The following MYH9 variants were observed in gnomAD, a reference collection of about 807,000 sequenced individuals.
MYH9 encodes the protein myosin heavy chain 9.
MYH9 carries 29 observed loss-of-function variants against 241.9 expected under a neutral mutation model. The ratio of observed to expected loss-of-function variants is 0.12; its 90% confidence interval spans 0.09 to 0.16. The LOEUF is 0.16. Ranked by LOEUF, MYH9 falls within the 10% of genes least tolerant of loss-of-function variation. The probability of loss-of-function intolerance (pLI) is 1.00; values close to 1 mark genes in which losing one functional copy is unlikely to be tolerated. For synonymous variants in MYH9, 1,047 were observed against 1,062.6 expected (o/e 0.99, Z 0.29); for missense variants, 1,803 against 2,595.5 (o/e 0.69, Z 6.63).
At chr22:36,351,802 T>C (rs932280099) in intron 1 of MYH9, among the ~76,000 whole-genome samples, 2 of 151,880 alleles carry the variant, frequency 1.3e-5, no homozygotes, top group African/African-American at 2.4e-5. Context: ...TTGAACCCCA[T>C]GCCCCCAAAC....
chr22:36,286,226 GA>G (rs2016578116), intron 35 of MYH9, among the ~76,000 whole-genome samples: 1 of 152,224 alleles, frequency 6.6e-6, no homozygotes, highest in South Asian at 2.1e-4. Context: ...CCTAACCAGG[GA>G]GACCACGTGG....
Position 36,288,695 on chromosome 22 carries a change from G to A in MYH9, c.4770+32C>T, listed in dbSNP as rs2016631909. 1.3e-6 allele frequency: 2 copies of A among 1,599,148 alleles called. No homozygotes were observed. Among genetic ancestry groups the A allele is most frequent in the South Asian group, 1.1e-5 (1 of 91,048 alleles). ...CTGCGTGAAGCCAAGGCAGCCTTGG[G>A]CACCCATGGGGTAGCAGGAGGCCAT... On this transcript the variant is annotated intron_variant, in intron 33 of 40. Transcript: ENST00000216181. This position sits in a 1 kb window ranked among gnomAD's most constrained non-coding sequence, Gnocchi z 4.8.
intron 1 of MYH9, among the ~76,000 whole-genome samples, chr22:36,380,280 G>T (rs926983501): frequency 6.6e-6 from 1 of 152,204 alleles, no homozygotes; most frequent in Non-Finnish European, 1.5e-5. Flanking sequence ...CTTGAGAAGG[G>T]GGGTAGGGCC....
At position 36,295,267 on chromosome 22, in the gene MYH9, C is replaced by A. The variant is rs1440609795; in HGVS notation, c.3486-191G>T. On this transcript the variant is annotated intron_variant, in intron 26 of 40. Coordinates refer to ENST00000216181, the MANE Select transcript of MYH9 (RefSeq NM_002473.6). This position sits in a 1 kb window ranked among gnomAD's most constrained non-coding sequence, Gnocchi z 4.1. ...ATACGCCCTGTGAGAGCTTCTGTAG[C>A]CTTTCAGCTTTAAAGCCCAGCCTTG... 6.6e-6 allele frequency among the ~76,000 whole-genome samples: 1 copy of A among 152,198 alleles called. No individual in the cohort carries two copies. The highest frequency in any genetic ancestry group is 2.4e-5 in the African/African-American group (1 of 41,448).
At position 36,296,934 on chromosome 22, in the gene MYH9, T is replaced by A. The variant is rs199971000; in HGVS notation, c.3181A>T (p.Ser1061Cys). The change falls in exon 25 of 41, where the codon AGC becomes TGC. Residue 1061 changes from serine (S) to cysteine (C), a missense_variant. Physicochemically the swap from Ser to Cys is moderately radical, Grantham distance 112 (BLOSUM62 -1). Around this residue, in one of 11 missense-constraint regions of MYH9, gnomAD observed 290 missense variants for 360.5 expected, o/e 0.80. Transcript: ENST00000216181. ...GCCTGGAGCTCGGCGATCTGGTCGC[T>A]GAGGTCTGTGGAGTCTCCCTCCAGC... ...RKLEGDSTDL[S>C]DQIAELQAQI... is the part of the protein sequence containing the mutation. 117 of 1,614,084 alleles carry A rather than the reference T, an allele frequency of 7.2e-5. No homozygotes were observed. Among genetic ancestry groups the A allele is most frequent in the Non-Finnish European group, 9.4e-5 (111 of 1,179,970 alleles).
intron 12 of MYH9, among the ~76,000 whole-genome samples, chr22:36,314,757 T>A (rs1474830787): frequency 6.6e-6 from 1 of 152,098 alleles, no homozygotes; most frequent in Non-Finnish European, 1.5e-5. Context: ...CAAGTGATCC[T>A]CCCAGCTTAG....
In MYH9 at chr22:36,293,687, A is replaced by C; in HGVS notation, c.3942+72T>G. 1 of 1,429,072 alleles carries C rather than the reference A, an allele frequency of 7.0e-7. No homozygotes were observed. The highest frequency in any genetic ancestry group is 1.2e-5 in the South Asian group (1 of 86,040). 88.5% of individuals were successfully genotyped at this position (1,429,072 alleles called of 1,614,324 possible). Reference sequence around the variant, plus strand: ...AGGATGGGCAATCCGATGGGCTCTGAAGCTAATGTTGCGTGGACACAGAGG... The same window carrying C: ...AGGATGGGCAATCCGATGGGCTCTGCAGCTAATGTTGCGTGGACACAGAGG... On this transcript the variant is annotated intron_variant, in intron 29 of 40. Transcript: ENST00000216181. This position sits in a 1 kb window ranked among gnomAD's most constrained non-coding sequence, Gnocchi z 5.1.
At chr22:36,341,881 G>C (rs1055047050) in intron 2 of MYH9, among the ~76,000 whole-genome samples, 1 of 152,252 alleles carries the variant, frequency 6.6e-6, no homozygotes. Flanking sequence ...AGATGTCTTT[G>C]TCATCGTGAG....
In MYH9 at chr22:36,320,199, A is replaced by C. The variant is rs778702341; in HGVS notation, c.1012+21T>G. On this transcript the variant is annotated intron_variant, in intron 9 of 40. Transcript: ENST00000216181. The surrounding 1 kb of genome is among the most constrained non-coding windows in gnomAD (Gnocchi z 4.8). ...GCCTTCCTCTGCCCCACACTCGACC[A>C]TAGGAGGGCCAGCCCTGTACCCATT... 6 of 1,613,882 alleles carry C rather than the reference A, an allele frequency of 3.7e-6. No homozygotes were observed. The highest frequency in any genetic ancestry group is 5.1e-6 in the Non-Finnish European group (6 of 1,179,962).
rs73405727 is a variant in MYH9 at position 36,294,441 on chromosome 22, C to A, written c.3631-143G>T. 5 of 839,428 alleles carry A rather than the reference C, an allele frequency of 6.0e-6. No individual in the cohort carries two copies. In the East Asian group the frequency reaches 7.9e-5, roughly 13 times the overall value. The allele number at this position is 839,428 out of a possible 1,614,324, so 52.0% of individuals were successfully genotyped here. Reference sequence around the variant, plus strand: ...GCCTGCGTCCTGGACTCAGACGGCTCGGGCCTCATCTGTCCTGTCCTCTTC... The same window carrying A: ...GCCTGCGTCCTGGACTCAGACGGCTAGGGCCTCATCTGTCCTGTCCTCTTC... On this transcript the variant is annotated intron_variant, in intron 27 of 40. Transcript: ENST00000216181.
rs770688464 is a variant in MYH9, at chr22:36,349,103, C to T, written c.134G>A (p.Ser45Asn). 8 of 1,614,248 alleles carry T rather than the reference C, an allele frequency of 5.0e-6. No individual in the cohort carries two copies. The highest frequency in any genetic ancestry group is 1.3e-5 in the African/African-American group (1 of 75,076). ...CTCTTCGCCCACCTCCTCCTTGAGG[C>T]TGGCTGGCTCAAAGCCACTCTTGTC... ...PSDKSGFEPA[S>N]LKEEVGEEAI... is the part of the protein sequence containing the mutation. The change falls in exon 2 of 41, where the codon AGC (serine) becomes AAC (asparagine). Residue 45 changes from serine to asparagine, a missense_variant. Physicochemically the swap from Ser to Asn is conservative, Grantham distance 46 (BLOSUM62 1). Coordinates refer to ENST00000216181, the MANE Select transcript of MYH9 (RefSeq NM_002473.6).
intron 1 of MYH9, among the ~76,000 whole-genome samples, chr22:36,361,388 A>G (rs1411572872): frequency 6.6e-6 from 1 of 152,206 alleles, no homozygotes; most frequent in Non-Finnish European, 1.5e-5. Context: ...CTGAAAGTCC[A>G]GGAAACAATG....
intron 1 of MYH9, among the ~76,000 whole-genome samples, chr22:36,370,175 A>G (rs1415898650): frequency 6.6e-6 from 1 of 152,166 alleles, no homozygotes; most frequent in Non-Finnish European, 1.5e-5. Flanking sequence ...AGATTGTATG[A>G]CTCACTCAAG....
chr22:36,286,114 G>T, intron 35 of MYH9, 161 bp from the exon 36 acceptor site: 1 of 721,320 alleles, frequency 1.4e-6, no homozygotes, highest in African/African-American at 1.7e-5. Context: ...GTGCCCCCCT[G>T]AAGATATAGC....
chr22:36,300,817 G>T lies in MYH9; in HGVS notation c.2838+34C>A. 1 of 1,598,342 alleles carries T rather than the reference G, an allele frequency of 6.3e-7. No individual in the cohort carries two copies. ...TCCTCCGCCCCGCCCTGCCCCTCCGGCGCCACCCCTCCCCGGGTGCAGCGG... is the reference window on the plus strand; with the variant it reads ...TCCTCCGCCCCGCCCTGCCCCTCCGTCGCCACCCCTCCCCGGGTGCAGCGG... On this transcript the variant is annotated intron_variant, in intron 22 of 40. Coordinates refer to ENST00000216181, the MANE Select transcript of MYH9 (RefSeq NM_002473.6). The surrounding 1 kb of genome is among the most constrained non-coding windows in gnomAD (Gnocchi z 5.0).
intron 5 of MYH9, among the ~76,000 whole-genome samples, chr22:36,325,429 G>C (rs1296005918): frequency 6.6e-6 from 1 of 152,186 alleles, no homozygotes. Flanking sequence ...CACCGGGAGC[G>C]GCCAAGCTCC....
intron 40 of MYH9, among the ~76,000 whole-genome samples, chr22:36,283,004 G>A (rs544353758): frequency 9.9e-5 from 15 of 152,210 alleles, no homozygotes; most frequent in Admixed American, 3.9e-4. Flanking sequence ...TTTAGGTGTC[G>A]GACATCTTCA....
In MYH9 at chr22:36,384,125, G is replaced by A. The variant is rs977421893; in HGVS notation, c.-20+3682C>T. On this transcript the variant is annotated intron_variant, in intron 1 of 40. Transcript: ENST00000216181. Reference sequence around the variant, plus strand: ...ATCTCTACTAAAAATACAAAAATTAGCCAAGTATGGTGGCAGGCACCTGTA... The same window carrying A: ...ATCTCTACTAAAAATACAAAAATTAACCAAGTATGGTGGCAGGCACCTGTA... 3.3e-5 allele frequency among the ~76,000 whole-genome samples: 5 copies of A among 151,650 alleles called. No homozygotes were observed. The East Asian group carries it at 9.6e-4, about 29-fold the overall frequency.
chr22:36,342,581 T>C (rs919355910), intron 2 of MYH9, among the ~76,000 whole-genome samples: 3 of 152,200 alleles, frequency 2.0e-5, no homozygotes, highest in African/African-American at 7.2e-5. Flanking sequence ...ACTAATTCTT[T>C]TTCTAATAAG....
Sources: gnomAD v4.1 joint callset for allele counts (sites outside exome capture counted in the v4.1 genomes callset) on GRCh38, gnomAD v4.1.1 for gene constraint, gnomAD v4.1.1 regional missense constraint, Gnocchi (gnomAD v3.1) non-coding constraint, MANE v1.5 for transcripts, NCBI Gene and HGNC (gene_info 2026-07-23, HGNC 2026-07-21) for gene names.